BCORL1: variants seen among roughly 807,000 people sequenced by gnomAD.
BCORL1 encodes the protein BCL-6 corepressor-like protein 1.
Under a neutral mutation model 87.6 loss-of-function variants are expected in BCORL1, and 7 were observed. That is an observed-to-expected ratio of 0.08 (90% CI 0.05 to 0.15). The LOEUF (loss-of-function observed/expected upper bound fraction) is 0.15, where lower values mean the gene tolerates loss of function less well. Ranked by LOEUF, BCORL1 falls within the 10% of genes least tolerant of loss-of-function variation. The pLI is 1.00. For missense variants in BCORL1, 1,215 were observed against 1,499.7 expected, an observed-to-expected ratio of 0.81 and a Z score of 3.13; for synonymous variants, 591 against 634.4, an observed-to-expected ratio of 0.93 and a Z score of 1.03.
At position 130,026,905 on chromosome X, in the gene BCORL1, C is replaced by T. The variant is rs7054740; in HGVS notation, c.4078+1526C>T. Among the ~76,000 whole-genome samples the T allele has an allele frequency of 9.3e-3, 1,052 of 113,613 alleles. 7 individuals are homozygous for T. The highest frequency in any genetic ancestry group is 0.031 in the African/African-American group (976 of 31,368). The stretch of plus-strand genomic sequence containing the variant: ...CCTCCAGATCTGATGATGGCATCTT[C>T]GTGCAGGAATTTGGCAAAGGCCAAA... On this transcript the variant is annotated intron_variant, in intron 7 of 13. Transcript: ENST00000540052.
At chrX:130,024,413 A>G (rs1371939925) in intron 6 of BCORL1, among the ~76,000 whole-genome samples, 1 of 111,409 alleles carries the variant, frequency 9.0e-6, no homozygotes, top group Non-Finnish European at 1.9e-5. Flanking sequence ...CACAGATCAC[A>G]GGAAAGGGAC....
intron 2 of BCORL1, among the ~76,000 whole-genome samples, chrX:130,009,202 C>A (rs962089205): frequency 2.7e-5 from 3 of 111,282 alleles, no homozygotes; most frequent in African/African-American, 9.8e-5. Context: ...CGGTGACTCA[C>A]GCCTATAATC....
chrX:130,005,635 A>T (rs1928426859), intron 2 of BCORL1, among the ~76,000 whole-genome samples: 1 of 110,348 alleles, frequency 9.1e-6, no homozygotes, highest in Non-Finnish European at 1.9e-5. Context: ...TTGTTTTTTG[A>T]GACAGAGCCT....
intron 4 of BCORL1, among the ~76,000 whole-genome samples, chrX:130,020,373 A>G (rs1053732742): frequency 9.8e-5 from 11 of 112,347 alleles, no homozygotes; most frequent in African/African-American, 3.6e-4. Flanking sequence ...AAAGTGCTAC[A>G]GAGTATAAAG....
At chrX:129,983,237 G>A (rs1926269660) in intron 1 of BCORL1, among the ~76,000 whole-genome samples, 1 of 108,998 alleles carries the variant, frequency 9.2e-6, no homozygotes, top group South Asian at 4.0e-4. Context: ...CTTCCCGGCT[G>A]GGCGGGGGTC....
chrX:130,045,814 T>TA (rs1931710070), intron 11 of BCORL1, among the ~76,000 whole-genome samples: 1 of 109,770 alleles, frequency 9.1e-6, no homozygotes, highest in Non-Finnish European at 1.9e-5. Context: ...GACTGGGTTT[T>TA]ACCATGTTAC....
At chrX:130,041,096 C>T (rs1409148705) in intron 11 of BCORL1, among the ~76,000 whole-genome samples, 2 of 110,237 alleles carry the variant, frequency 1.8e-5, no homozygotes, top group Non-Finnish European at 3.8e-5. Flanking sequence ...ATAGGCCAGG[C>T]GCAGTGGCTT....
chrX:130,026,650 A>G (rs962091559), intron 7 of BCORL1, among the ~76,000 whole-genome samples: 4 of 111,358 alleles, frequency 3.6e-5, no homozygotes, highest in Non-Finnish European at 7.6e-5. Flanking sequence ...TGCCTGGTCC[A>G]GTTTGCCACC....
chrX:130,009,463 A>G (rs1325941458), intron 2 of BCORL1, among the ~76,000 whole-genome samples: 7 of 104,652 alleles, frequency 6.7e-5, no homozygotes, highest in Non-Finnish European at 1.4e-4. Flanking sequence ...GTCTAAAAGA[A>G]AGAAAAAAAA....
chrX:130,044,609 A>G (rs1328452985), intron 11 of BCORL1, among the ~76,000 whole-genome samples: 1 of 109,706 alleles, frequency 9.1e-6, no homozygotes, highest in Non-Finnish European at 1.9e-5. Flanking sequence ...TCCTGGGTTC[A>G]AGCGATTCTC....
rs776734463 is a variant in BCORL1, at chrX:130,013,202, C to T, written c.430C>T (p.Leu144Phe). Residue 144 changes from leucine (L) to phenylalanine (F), a missense_variant, in exon 4 of 14, where the codon CTC (leucine) becomes TTC (phenylalanine). Coordinates refer to ENST00000540052, the MANE Select transcript of BCORL1 (RefSeq NM_001379451.1). ...CAGGGCCGACTGCTCCTGGACTCCA[C>T]TCAACACCCAAATGAGCAAACAGGT... ...NSRADCSWTP[L>F]NTQMSKQVDC... is the part of the protein sequence containing the mutation. The T allele has an allele frequency of 8.2e-7, 1 of 1,212,357 alleles. No individual in the cohort carries two copies.
At chrX:129,995,009 CTT>C (rs753903771) in intron 1 of BCORL1, among the ~76,000 whole-genome samples, 2 of 103,995 alleles carry the variant, frequency 1.9e-5, no homozygotes, top group Middle Eastern at 4.9e-3. Flanking sequence ...TATGGGACTT[CTT>C]TTTTTTTTTT....
upstream of BCORL1, among the ~76,000 whole-genome samples, chrX:129,980,956 T>A (rs1265508942): frequency 9.7e-6 from 1 of 103,283 alleles, no homozygotes. Context: ...GAGCGGGGTC[T>A]GGCCTCGGCC....
chrX:130,009,357 C>T (rs897458945), intron 2 of BCORL1, among the ~76,000 whole-genome samples: 2 of 109,536 alleles, frequency 1.8e-5, no homozygotes, highest in Non-Finnish European at 3.8e-5. Flanking sequence ...CCCAGCTACT[C>T]GGGAGGCTCA....
chrX:130,000,858 C>G (rs1927983132), intron 1 of BCORL1, among the ~76,000 whole-genome samples: 1 of 108,861 alleles, frequency 9.2e-6, no homozygotes, highest in Non-Finnish European at 1.9e-5. Context: ...CATTGGAGTA[C>G]AAAGGTTTTT....
At chrX:130,043,770 ATATATATATATATATTTTT>A (rs1315282888) in intron 11 of BCORL1, among the ~76,000 whole-genome samples, 17 of 18,982 alleles carry the variant, frequency 9.0e-4, no homozygotes, top group Admixed American at 3.2e-3. Context: ...ATATATATAT[ATATATATATATATATTTTT>A]TTTTTTTTTT....
At chrX:130,017,606 T>G (rs7892501) in intron 4 of BCORL1, among the ~76,000 whole-genome samples, 5,002 of 109,589 alleles carry the variant, frequency 0.046, 295 homozygotes, top group African/African-American at 0.16. Flanking sequence ...AAGTCCATGT[T>G]CTTCTTCAGC....
chrX:130,021,144 G>C lies in BCORL1; in HGVS notation c.3601G>C (p.Glu1201Gln), dbSNP rs372174837. Residue 1201 changes from glutamate (E) to glutamine (Q), a missense_variant, in exon 5 of 14, where the codon GAG (glutamate) becomes CAG (glutamine). Transcript: ENST00000540052. ...QSPGKRADSHEEGSLEKKAKS... is the reference protein window; with the variant it reads ...QSPGKRADSHQEGSLEKKAKS... The stretch of plus-strand genomic sequence containing the variant: ...TCCAGGAAAACGAGCCGACAGCCAC[G>C]AGGAAGGTAGGCCCCGCGGCCCTGG... The C allele has an allele frequency of 8.4e-5, 101 of 1,199,196 alleles. No homozygotes were observed. The highest frequency in any genetic ancestry group is 1.1e-4 in the Non-Finnish European group (98 of 890,892).
upstream of BCORL1, among the ~76,000 whole-genome samples, chrX:129,982,448 C>T (rs1294799728): frequency 9.0e-6 from 1 of 110,700 alleles, no homozygotes. Flanking sequence ...TCCCTCCCTT[C>T]GCCTCCTCCT....
Sources: allele counts gnomAD v4.1 joint callset (sites outside exome capture counted in the v4.1 genomes callset), GRCh38; gene constraint gnomAD v4.1.1; transcripts MANE v1.5; gene names NCBI Gene and HGNC (gene_info 2026-07-23, HGNC 2026-07-21).